Variants in KCNH5 observed in about 807,000 individuals in gnomAD.
KCNH5 encodes potassium voltage-gated channel subfamily H member 5.
In KCNH5, 46 loss-of-function variants were observed where a neutral mutation model predicts 96.1. That is an observed-to-expected ratio of 0.48 (90% confidence interval 0.38 to 0.61). The LOEUF is 0.61. Ranked by LOEUF, KCNH5 falls within the 20% of genes least tolerant of loss-of-function variation. The pLI is 0.00. For missense variants in KCNH5, 907 were observed against 1,225.8 expected, an observed-to-expected ratio of 0.74 and a Z score of 3.88; for synonymous variants, 439 against 449.8, an observed-to-expected ratio of 0.98 and a Z score of 0.30.
At chr14:62,912,400 C>T (rs1189206562) in intron 7 of KCNH5, among the ~76,000 whole-genome samples, 1 of 151,586 alleles carries the variant, frequency 6.6e-6, no homozygotes, top group Non-Finnish European at 1.5e-5. Flanking sequence ...TTACTTCCTT[C>T]TATATCTTGA....
At position 63,001,413 on chromosome 14, in the gene KCNH5, T is replaced by C. The variant is rs116027402; in HGVS notation, c.351A>G (p.Glu117=). The C allele has an allele frequency of 1.3e-4, 213 of 1,612,564 alleles. No individual in the cohort carries two copies. The African/African-American group carries it at 2.5e-3, about 19-fold the overall frequency. ...ACAGGAACAAGACCACCTTTTCATG[T>C]TCATTTCTTATTGGTGCAATTTGCA... ...FYMQIAPIRN[E]HEKVVLFLCT... is the part of the protein sequence containing the mutation. The change falls in exon 4 of 11, where the codon GAA becomes GAG. Residue 117 remains glutamate (E), a synonymous_variant. Transcript: ENST00000322893.
chr14:63,001,416 A>T lies in KCNH5; in HGVS notation c.348T>A (p.Asn116Lys). Residue 116 changes from asparagine to lysine, a missense_variant, in exon 4 of 11, where the codon AAT (asparagine) becomes AAA (lysine). This residue lies in a region of KCNH5 where 370 missense variants were observed against 561.3 expected (regional missense o/e 0.66). Coordinates refer to ENST00000322893, the MANE Select transcript of KCNH5 (RefSeq NM_139318.5). ...GGAACAAGACCACCTTTTCATGTTC[A>T]TTTCTTATTGGTGCAATTTGCATAT... ...WFYMQIAPIR[N>K]EHEKVVLFLC... The T allele has an allele frequency of 6.2e-7, 1 of 1,612,266 alleles. No homozygotes were observed. Among genetic ancestry groups the T allele is most frequent in the Non-Finnish European group, 8.5e-7 (1 of 1,179,314 alleles).
At chr14:63,003,525 TTATA>T (rs1215247887) in intron 3 of KCNH5, among the ~76,000 whole-genome samples, 1 of 115,636 alleles carries the variant, frequency 8.6e-6, no homozygotes, top group African/African-American at 3.6e-5. Context: ...TTTATATATT[TTATA>T]TATATTATAT....
intron 10 of KCNH5, among the ~76,000 whole-genome samples, chr14:62,729,667 C>A (rs12590351): frequency 0.065 from 9,832 of 152,250 alleles, 495 homozygotes; most frequent in East Asian, 0.28. Flanking sequence ...GATCCCCAAA[C>A]TATTTCCTCT....
At chr14:62,885,523 C>A (rs1300224963) in intron 7 of KCNH5, among the ~76,000 whole-genome samples, 1 of 152,196 alleles carries the variant, frequency 6.6e-6, no homozygotes, top group Non-Finnish European at 1.5e-5. Context: ...GATGACAAAA[C>A]TTTTAAATAT....
intron 7 of KCNH5, among the ~76,000 whole-genome samples, chr14:62,940,958 G>A (rs1313295757): frequency 1.3e-5 from 2 of 152,302 alleles, no homozygotes; most frequent in African/African-American, 4.8e-5. Flanking sequence ...CATAGTATAA[G>A]AACAGATGAG....
At chr14:62,954,694 C>T (rs1206559674) in intron 6 of KCNH5, among the ~76,000 whole-genome samples, 2 of 152,124 alleles carry the variant, frequency 1.3e-5, no homozygotes, top group Non-Finnish European at 2.9e-5. Context: ...CATTTTCATG[C>T]TGCCGATAAA....
Position 62,957,675 on chromosome 14 carries a change from C to T in KCNH5, c.943-7116G>A, listed in dbSNP as rs113482118. Among the ~76,000 whole-genome samples, 810 of 152,290 alleles carry T rather than the reference C, an allele frequency of 5.3e-3. 4 individuals carry two copies. The highest frequency in any genetic ancestry group is 0.019 in the African/African-American group (779 of 41,566). On this transcript the variant is annotated intron_variant, in intron 6 of 10. Transcript: ENST00000322893. The stretch of plus-strand genomic sequence containing the variant: ...CAAGCCTAGGCCTCAAAAGGCCTTG[C>T]ACACCACCTCCACCTGTGGTCTTGG...
chr14:62,899,915 A>C (rs906203273), intron 7 of KCNH5, among the ~76,000 whole-genome samples: 5 of 152,216 alleles, frequency 3.3e-5, no homozygotes, highest in Non-Finnish European at 5.9e-5. Context: ...CCTAAGGCAC[A>C]TATTTTTTCA....
At chr14:62,898,996 G>A (rs1457738219) in intron 7 of KCNH5, among the ~76,000 whole-genome samples, 1 of 152,046 alleles carries the variant, frequency 6.6e-6, no homozygotes, top group Non-Finnish European at 1.5e-5. Flanking sequence ...ACTGTAAAGG[G>A]AGATTTTGAA....
chr14:63,003,583 A>AAT (rs1491412769), intron 3 of KCNH5, among the ~76,000 whole-genome samples: 3,046 of 120,650 alleles, frequency 0.025, 72 homozygotes, highest in East Asian at 0.042. Flanking sequence ...TTATATACAT[A>AAT]ATATATATAT....
At chr14:62,955,607 A>C (rs915514420) in intron 6 of KCNH5, among the ~76,000 whole-genome samples, 10 of 152,190 alleles carry the variant, frequency 6.6e-5, no homozygotes, top group African/African-American at 2.4e-4. Context: ...CTATACCTAG[A>C]GTATAATGTG....
intron 1 of KCNH5, among the ~76,000 whole-genome samples, chr14:63,029,438 CAA>C (rs1268935800): frequency 6.6e-6 from 1 of 151,882 alleles, no homozygotes; most frequent in Admixed American, 6.6e-5. Context: ...ACTATTAAAG[CAA>C]AAAGCATTTA....
intron 7 of KCNH5, among the ~76,000 whole-genome samples, chr14:62,927,467 C>T (rs1186717722): frequency 1.3e-5 from 2 of 152,054 alleles, no homozygotes; most frequent in African/African-American, 4.8e-5. Flanking sequence ...TTTACAGTAG[C>T]TAATGTGGAA....
At chr14:62,733,654 C>G (rs561323753) in intron 10 of KCNH5, among the ~76,000 whole-genome samples, 1 of 152,170 alleles carries the variant, frequency 6.6e-6, no homozygotes, top group Non-Finnish European at 1.5e-5. Flanking sequence ...TCTCTGGTCA[C>G]TATAATTCAT....
At chr14:62,779,358 T>C (rs1886161504) in intron 10 of KCNH5, among the ~76,000 whole-genome samples, 1 of 152,090 alleles carries the variant, frequency 6.6e-6, no homozygotes, top group African/African-American at 2.4e-5. Flanking sequence ...GGCACCCAGG[T>C]TGATTAACTT....
intron 7 of KCNH5, among the ~76,000 whole-genome samples, chr14:62,943,031 C>T (rs1889817410): frequency 6.6e-6 from 1 of 152,018 alleles, no homozygotes; most frequent in African/African-American, 2.4e-5. Context: ...ATGCTGAATA[C>T]ATATTTAATA....
intron 10 of KCNH5, among the ~76,000 whole-genome samples, chr14:62,733,731 G>A (rs1022175612): frequency 2.0e-5 from 3 of 152,058 alleles, no homozygotes; most frequent in Admixed American, 6.6e-5. Context: ...AGATCACCCC[G>A]CTGCATTTGA....
At chr14:62,844,604 G>C (rs778395174) in intron 8 of KCNH5, among the ~76,000 whole-genome samples, 1 of 151,910 alleles carries the variant, frequency 6.6e-6, no homozygotes, top group Non-Finnish European at 1.5e-5. Context: ...GATGGATTTG[G>C]CTATTAAATT....
Sources: allele counts gnomAD v4.1 joint callset (sites outside exome capture counted in the v4.1 genomes callset), GRCh38; gene constraint gnomAD v4.1.1; regional missense constraint gnomAD v4.1.1; transcripts MANE v1.5; gene names NCBI Gene and HGNC (gene_info 2026-07-23, HGNC 2026-07-21).